The following DCLRE1C variants were observed in gnomAD, a reference collection of about 807,000 sequenced individuals.
DCLRE1C encodes protein artemis.
In DCLRE1C, 47 loss-of-function variants were observed where a neutral mutation model predicts 61.4. That is an observed-to-expected ratio of 0.77 (90% confidence interval 0.61 to 0.98). The LOEUF is 0.98. Ranked by LOEUF, DCLRE1C falls within the 50% of genes least tolerant of loss-of-function variation. The pLI is 0.00. For synonymous variants in DCLRE1C, 337 were observed against 287.6 expected, an observed-to-expected ratio of 1.17 and a Z score of -1.74; for missense variants, 858 against 816.0, an observed-to-expected ratio of 1.05 and a Z score of -0.63.
rs1842830903 is a variant in DCLRE1C at position 14,953,958 on chromosome 10, C to T, written c.53G>A (p.Arg18His). ...MAEYPTISID[R>H]FDRENLRARA... is the part of the protein sequence containing the mutation. ...GGCCCTCAGGTTCTCCCTATCGAAG[C>T]GGTCTATGGAGATAGTTGGATACTC... is the stretch of plus-strand genomic sequence containing the variant. The change falls in exon 1 of 14, where the codon CGC (arginine) becomes CAC (histidine). Residue 18 changes from arginine (R) to histidine (H), a missense_variant. Arg to His is a conservative substitution (Grantham distance 29). Coordinates refer to ENST00000378278, the MANE Select transcript of DCLRE1C (RefSeq NM_001033855.3). 2 of 1,614,062 alleles carry T rather than the reference C, an allele frequency of 1.2e-6. No homozygotes were observed. Among genetic ancestry groups the T allele is most frequent in the Non-Finnish European group, 1.7e-6 (2 of 1,179,936 alleles).
chr10:14,948,097 A>C lies in DCLRE1C; in HGVS notation c.161+939T>G, dbSNP rs1053759809. The stretch of plus-strand genomic sequence containing the variant: ...ATAAAGTAATAAAAAATTATTGGCC[A>C]GGTGCAAAGGCTCATGCCTATAAGC... On this transcript the variant is annotated intron_variant, in intron 2 of 13. Coordinates refer to ENST00000378278, the MANE Select transcript of DCLRE1C (RefSeq NM_001033855.3). 2.0e-5 allele frequency among the ~76,000 whole-genome samples: 3 copies of C among 152,050 alleles called. No individual in the cohort carries two copies. In the East Asian group the frequency reaches 5.8e-4, roughly 29 times the overall value.
intron 1 of DCLRE1C, among the ~76,000 whole-genome samples, chr10:14,952,643 C>T (rs896852248): frequency 3.3e-5 from 5 of 151,992 alleles, no homozygotes; most frequent in African/African-American, 1.2e-4. Context: ...GTAGTCCCAA[C>T]TACTTGAGCA....
intron 1 of DCLRE1C, 27 bp from the exon 2 acceptor site, chr10:14,949,114 G>A (rs767371116): frequency 1.2e-5 from 19 of 1,529,370 alleles, no homozygotes; most frequent in Middle Eastern, 3.4e-4. Flanking sequence ...AAAAACTCAT[G>A]AATATGTTTT....
chr10:14,899,165 T>C lies in DCLRE1C; in HGVS notation c.1304A>G (p.Ter435TrpextTer3), dbSNP rs7899689. The C allele has an allele frequency of 3.7e-4, 262 of 699,334 alleles. No individual in the cohort carries two copies. The African/African-American group carries it at 4.0e-3, about 11-fold the overall frequency. The allele number at this position is 699,334 out of a possible 1,614,324, so 43.3% of individuals were successfully genotyped here. A position where few individuals can be genotyped will look rare whatever the true frequency, so the allele number is the denominator to read the frequency against. ...TGAGACCCCACATCTCTATAAAAAC[T>C]AAATCATTAGCTGGGCATGGCGGTA... is the stretch of plus-strand genomic sequence containing the variant. Residue 435 changes from the stop codon to tryptophan (W), a stop_lost, in exon 14 of 14, where the codon TAG becomes TGG. Transcript: ENST00000378289.
intron 11 of DCLRE1C, among the ~76,000 whole-genome samples, chr10:14,924,613 C>G (rs904132120): frequency 1.3e-5 from 2 of 152,106 alleles, no homozygotes; most frequent in African/African-American, 4.8e-5. Context: ...CTTTGGGAGG[C>G]CGAGCCGGGT....
intron 13 of DCLRE1C, among the ~76,000 whole-genome samples, chr10:14,911,846 A>G (rs1835310278): frequency 6.6e-6 from 1 of 152,352 alleles, no homozygotes; most frequent in South Asian, 2.1e-4. Flanking sequence ...CATGAAAGAA[A>G]GCTCAACATT....
chr10:14,933,577 C>A (rs1184417956), intron 8 of DCLRE1C, among the ~76,000 whole-genome samples: 1 of 151,888 alleles, frequency 6.6e-6, no homozygotes, highest in African/African-American at 2.4e-5. Flanking sequence ...GCAGAGGTTG[C>A]AGTGAACTGA....
At position 14,928,061 on chromosome 10, in the gene DCLRE1C, G is replaced by A; in HGVS notation, c.872C>T (p.Thr291Ile). 1.9e-6 allele frequency: 3 copies of A among 1,613,788 alleles called. No homozygotes were observed. The highest frequency in any genetic ancestry group is 2.5e-6 in the Non-Finnish European group (3 of 1,179,898). Reference sequence around the variant, plus strand: ...TCTGCTCCTTTCTCCAAACCACATGGTGGATGGCTTAATGCTGATTATGTG... The same window carrying A: ...TCTGCTCCTTTCTCCAAACCACATGATGGATGGCTTAATGCTGATTATGTG... ...PLHIISIKPS[T>I]MWFGERSRKT... Residue 291 changes from threonine (T) to isoleucine (I), a missense_variant, in exon 10 of 14, where the codon ACC (threonine) becomes ATC (isoleucine). Coordinates refer to ENST00000378278, the MANE Select transcript of DCLRE1C (RefSeq NM_001033855.3).
downstream of DCLRE1C, among the ~76,000 whole-genome samples, chr10:14,901,882 C>G (rs1222010031): frequency 6.6e-6 from 1 of 152,026 alleles, no homozygotes; most frequent in Non-Finnish European, 1.5e-5. Flanking sequence ...GATGTATATT[C>G]AAAAGATTGA....
intron 1 of DCLRE1C, among the ~76,000 whole-genome samples, chr10:14,952,175 C>T (rs561305756): frequency 2.0e-4 from 31 of 152,268 alleles, no homozygotes; most frequent in African/African-American, 6.7e-4. Context: ...GTGCAAGTTT[C>T]GGAAGTATAC....
intron 13 of DCLRE1C, among the ~76,000 whole-genome samples, chr10:14,911,890 G>T (rs1398383827): frequency 6.6e-6 from 1 of 152,146 alleles, no homozygotes; most frequent in Non-Finnish European, 1.5e-5. Context: ...AAACTGCAGG[G>T]TACCACCATA....
At chr10:14,923,237 A>G in intron 11 of DCLRE1C, 168 bp from the exon 12 acceptor site, 6 of 624,958 alleles carry the variant, frequency 9.6e-6, no homozygotes, top group Non-Finnish European at 1.7e-5. Flanking sequence ...AAAATATCCA[A>G]TGCCTGGGCC....
Position 14,908,324 on chromosome 10 carries a change from A to G in DCLRE1C, c.*84T>C. 1 of 1,112,532 alleles carries G rather than the reference A, an allele frequency of 9.0e-7. No individual in the cohort carries two copies. Among genetic ancestry groups the G allele is most frequent in the South Asian group, 1.3e-5 (1 of 78,780 alleles). The allele number at this position is 1,112,532 out of a possible 1,614,324, so 68.9% of individuals were successfully genotyped here. ...CCAGGTTATTTGAACATTTTTAAGT[A>G]CTGTATTTTCTCTATTGTAATATTG... On this transcript the variant is annotated 3_prime_UTR_variant, in exon 14 of 14. Coordinates refer to ENST00000378278, the MANE Select transcript of DCLRE1C (RefSeq NM_001033855.3).
chr10:14,950,317 G>C (rs1252907998), intron 1 of DCLRE1C, among the ~76,000 whole-genome samples: 1 of 144,030 alleles, frequency 6.9e-6, no homozygotes, highest in Non-Finnish European at 1.5e-5. Context: ...TCCAGCCTGG[G>C]CAACTAGAGT....
chr10:14,921,746 G>A (rs1837156438), intron 12 of DCLRE1C, among the ~76,000 whole-genome samples: 2 of 152,028 alleles, frequency 1.3e-5, no homozygotes, highest in South Asian at 4.1e-4. Flanking sequence ...CTCCATCTTG[G>A]CCCAGCTTCT....
At position 14,920,021 on chromosome 10, in the gene DCLRE1C, T is replaced by A. The variant is rs41299708; in HGVS notation, c.1062-189A>T. On this transcript the variant is annotated intron_variant, in intron 12 of 13. Coordinates refer to ENST00000378278, the MANE Select transcript of DCLRE1C (RefSeq NM_001033855.3). ...GATTGAAAAGCAGTTCTAAACTGATTTCATAGTTAAAAATCACTTTGATGT... is the reference window on the plus strand; with the variant it reads ...GATTGAAAAGCAGTTCTAAACTGATATCATAGTTAAAAATCACTTTGATGT... Among the ~76,000 whole-genome samples the A allele has an allele frequency of 7.2e-3, 1,102 of 152,228 alleles. 17 individuals are homozygous for A. Among genetic ancestry groups the A allele is most frequent in the African/African-American group, 0.025 (1,030 of 41,532 alleles).
downstream of DCLRE1C, chr10:14,901,082 G>T: frequency 6.3e-7 from 1 of 1,590,108 alleles, no homozygotes; most frequent in Non-Finnish European, 8.6e-7. Context: ...GCATGTAGAA[G>T]GGCTTGTTTA....
intron 1 of DCLRE1C, among the ~76,000 whole-genome samples, chr10:14,951,978 T>C (rs1842523171): frequency 6.6e-6 from 1 of 152,212 alleles, no homozygotes; most frequent in South Asian, 2.1e-4. Context: ...AGTTGTGTTT[T>C]CACCCTTGAT....
intron 13 of DCLRE1C, among the ~76,000 whole-genome samples, chr10:14,912,622 A>G (rs1835447392): frequency 6.6e-6 from 1 of 152,248 alleles, no homozygotes; most frequent in East Asian, 1.9e-4. Context: ...TATATGCCAC[A>G]GTATAGATGT....
Sources: allele counts gnomAD v4.1 joint callset (sites outside exome capture counted in the v4.1 genomes callset), GRCh38; gene constraint gnomAD v4.1.1; transcripts MANE v1.5; gene names NCBI Gene and HGNC (gene_info 2026-07-23, HGNC 2026-07-21).